KLRG1: variants seen among roughly 807,000 people sequenced by gnomAD.
The protein encoded by KLRG1 is killer cell lectin like receptor G1.
A neutral mutation model predicts 21.8 loss-of-function variants in KLRG1; 16 were observed. The observed-to-expected ratio is 0.73, with a 90% CI of 0.50 to 1.11. KLRG1 has a LOEUF of 1.11. KLRG1 is among the 50% of genes most tolerant of loss of function. The pLI is 0.00. For missense variants in KLRG1, 173 were observed against 218.3 expected, an observed-to-expected ratio of 0.79 and a Z score of 1.31; for synonymous variants, 69 against 75.9, an observed-to-expected ratio of 0.91 and a Z score of 0.47.
the KLRG1 span, among the ~76,000 whole-genome samples, chr12:9,132,973 A>G: frequency 6.6e-6 from 1 of 152,208 alleles, no homozygotes; most frequent in Non-Finnish European, 1.5e-5. Flanking sequence ...ACTAATATTT[A>G]TAGATACTGT....
At chr12:9,184,231 G>C in the KLRG1 span, among the ~76,000 whole-genome samples, 1 of 152,228 alleles carries the variant, frequency 6.6e-6, no homozygotes, top group South Asian at 2.1e-4. Context: ...CAGAGCATTG[G>C]CAGGCACTAA....
the KLRG1 span, among the ~76,000 whole-genome samples, chr12:9,145,231 G>A: frequency 6.6e-6 from 1 of 152,114 alleles, no homozygotes; most frequent in Non-Finnish European, 1.5e-5. Context: ...TGTTAGCCTT[G>A]TAATTATTTT....
At chr12:9,133,249 G>T in the KLRG1 span, among the ~76,000 whole-genome samples, 1 of 152,088 alleles carries the variant, frequency 6.6e-6, no homozygotes, top group Non-Finnish European at 1.5e-5. Context: ...GTGATTAATT[G>T]GGTTCAGTCA....
the KLRG1 span, among the ~76,000 whole-genome samples, chr12:9,083,383 G>C: frequency 1.9e-3 from 287 of 148,092 alleles, no homozygotes; most frequent in African/African-American, 7.0e-3. Flanking sequence ...AGAACTTAAA[G>C]TATAAAAAAA....
At chr12:8,973,780 T>C (rs762530421) in intron 1 of KLRG1, among the ~76,000 whole-genome samples, 1 of 152,196 alleles carries the variant, frequency 6.6e-6, no homozygotes, top group Non-Finnish European at 1.5e-5. Context: ...ACTCTTTGGC[T>C]AAATAGAAAT....
chr12:8,961,745 C>G (rs965627686), intron 1 of KLRG1, among the ~76,000 whole-genome samples: 3 of 152,126 alleles, frequency 2.0e-5, no homozygotes, highest in East Asian at 1.9e-4. Flanking sequence ...ACAACAATAT[C>G]TGGCACTCTG....
the KLRG1 span, among the ~76,000 whole-genome samples, chr12:9,120,514 T>G: frequency 1.3e-5 from 2 of 152,160 alleles, no homozygotes; most frequent in African/African-American, 4.8e-5. Flanking sequence ...AATCAAATTT[T>G]CTCCTTGTAT....
At chr12:9,169,807 C>T in the KLRG1 span, 27 of 414,010 alleles carry the variant, frequency 6.5e-5, 1 homozygote, top group Middle Eastern at 1.3e-3. Flanking sequence ...CAAAGATTAA[C>T]AAAATCTTAA....
the KLRG1 span, among the ~76,000 whole-genome samples, chr12:9,198,085 G>A: frequency 1.3e-5 from 2 of 149,112 alleles, no homozygotes; most frequent in Non-Finnish European, 3.0e-5. Context: ...AGGTGCTTTG[G>A]CTCATGCCTG....
chr12:9,098,206 A>G, the KLRG1 span, among the ~76,000 whole-genome samples: 6 of 152,000 alleles, frequency 3.9e-5, no homozygotes, highest in Admixed American at 2.6e-4. Context: ...ACTTTTCACA[A>G]TCTGCTCTGT....
the KLRG1 span, among the ~76,000 whole-genome samples, chr12:9,023,314 G>A: frequency 6.6e-6 from 1 of 152,082 alleles, no homozygotes; most frequent in Non-Finnish European, 1.5e-5. Flanking sequence ...CTTGGCATGT[G>A]GGGAAAAATC....
chr12:9,153,503 T>A, the KLRG1 span, among the ~76,000 whole-genome samples: 1 of 152,256 alleles, frequency 6.6e-6, no homozygotes, highest in African/African-American at 2.4e-5. Flanking sequence ...TTTCAGACAT[T>A]ATCAAAATCA....
chr12:9,001,990 TTTTA>T (rs1947320350), intron 3 of KLRG1, among the ~76,000 whole-genome samples: 1 of 152,188 alleles, frequency 6.6e-6, no homozygotes, highest in Non-Finnish European at 1.5e-5. Context: ...TTATTTTATT[TTTTA>T]TTTAGTTTTA....
chr12:8,965,428 C>T (rs1484815726), intron 1 of KLRG1, among the ~76,000 whole-genome samples: 1 of 152,068 alleles, frequency 6.6e-6, no homozygotes, highest in Non-Finnish European at 1.5e-5. Flanking sequence ...GATTGTATAC[C>T]TAGAAAACCC....
chr12:9,110,189 A>G, the KLRG1 span: 1 of 1,109,676 alleles, frequency 9.0e-7, no homozygotes, highest in Admixed American at 2.5e-5. Flanking sequence ...ATCTAGCTCT[A>G]TGGGAGTTTG....
intron 1 of KLRG1, among the ~76,000 whole-genome samples, chr12:8,967,011 AAT>A (rs1056598622): frequency 1.3e-5 from 2 of 149,406 alleles, no homozygotes; most frequent in African/African-American, 4.9e-5. Context: ...AGCCATAAAA[AAT>A]GATGAGTTCA....
intron 3 of KLRG1, among the ~76,000 whole-genome samples, chr12:9,003,735 G>A (rs1046135432): frequency 6.6e-6 from 1 of 150,822 alleles, no homozygotes; most frequent in Non-Finnish European, 1.5e-5. Flanking sequence ...TAAGTTTTAG[G>A]GTACATGTTC....
the KLRG1 span, among the ~76,000 whole-genome samples, chr12:9,030,220 C>T: frequency 3.9e-5 from 6 of 152,116 alleles, no homozygotes; most frequent in East Asian, 3.9e-4. Flanking sequence ...GTGATGAGAA[C>T]GGGTAGTGGA....
At chr12:9,152,610 C>T in the KLRG1 span, among the ~76,000 whole-genome samples, 1 of 152,184 alleles carries the variant, frequency 6.6e-6, no homozygotes, top group African/African-American at 2.4e-5. Context: ...GCACACCTCA[C>T]TATACAGTTC....
Sources: allele counts gnomAD v4.1 joint callset (sites outside exome capture counted in the v4.1 genomes callset), GRCh38; gene constraint gnomAD v4.1.1; transcripts MANE v1.5; gene names NCBI Gene and HGNC (gene_info 2026-07-23, HGNC 2026-07-21).